Variants in COL4A6 observed in about 807,000 individuals in gnomAD.
COL4A6 encodes the protein collagen type IV alpha 6 chain.
In COL4A6, 59 loss-of-function variants were observed where a neutral mutation model predicts 126.7. The ratio of observed to expected loss-of-function variants is 0.47; its 90% CI spans 0.38 to 0.58. The LOEUF (loss-of-function observed/expected upper bound fraction) is 0.58. Ranked by LOEUF, COL4A6 falls within the 20% of genes least tolerant of loss-of-function variation. The pLI, the probability that COL4A6 is intolerant of heterozygous loss-of-function variation, is 0.00. For missense variants in COL4A6, 1,285 were observed against 1,337.3 expected (o/e 0.96, Z 0.61); for synonymous variants, 547 against 496.6 (o/e 1.10, Z -1.35).
chrX:108,427,188 AG>A (rs2064102067), intron 2 of COL4A6, among the ~76,000 whole-genome samples: 2 of 111,794 alleles, frequency 1.8e-5, no homozygotes, highest in Admixed American at 1.9e-4. Context: ...AAGAGTGCAG[AG>A]CAGGTCTCTT....
chrX:108,376,347 C>T (rs2040432900), intron 2 of COL4A6, among the ~76,000 whole-genome samples: 1 of 110,586 alleles, frequency 9.0e-6, no homozygotes, highest in Non-Finnish European at 1.9e-5. Context: ...GTAATCCCAT[C>T]ACTTTGGGAG....
At chrX:108,219,857 C>T in intron 4 of COL4A6, 115 bp from the exon 5 acceptor site, 1 of 499,980 alleles carries the variant, frequency 2.0e-6, no homozygotes, top group Admixed American at 2.8e-5. Context: ...TCGTACCCCC[C>T]TCCCCATATT....
chrX:108,282,018 C>G (rs983307247), intron 3 of COL4A6, among the ~76,000 whole-genome samples: 1 of 110,873 alleles, frequency 9.0e-6, no homozygotes, highest in African/African-American at 3.3e-5. Flanking sequence ...AAGACTGAAA[C>G]GTTAGACCTA....
intron 2 of COL4A6, among the ~76,000 whole-genome samples, chrX:108,407,961 C>T (rs1209705282): frequency 9.0e-6 from 1 of 111,039 alleles, no homozygotes; most frequent in Non-Finnish European, 1.9e-5. Context: ...CTCAAACCCC[C>T]CTGAGACAGG....
intron 3 of COL4A6, among the ~76,000 whole-genome samples, chrX:108,286,913 C>G (rs990588697): frequency 9.0e-6 from 1 of 111,505 alleles, no homozygotes; most frequent in Non-Finnish European, 1.9e-5. Context: ...TACTCCTTTC[C>G]CCTAGTCTCT....
At chrX:108,337,480 T>C (rs758654183) in intron 2 of COL4A6, among the ~76,000 whole-genome samples, 30 of 113,170 alleles carry the variant, frequency 2.7e-4, no homozygotes, top group African/African-American at 7.7e-4. Flanking sequence ...ATTTTCAGTT[T>C]CTAACAAATT....
At chrX:108,428,221 T>C (rs1457813102) in intron 2 of COL4A6, among the ~76,000 whole-genome samples, 1 of 112,067 alleles carries the variant, frequency 8.9e-6, no homozygotes, top group Non-Finnish European at 1.9e-5. Context: ...GTTTACCAAT[T>C]TGTGTTAGGC....
chrX:108,404,032 C>A (rs1019457439), intron 2 of COL4A6, among the ~76,000 whole-genome samples: 1 of 111,048 alleles, frequency 9.0e-6, no homozygotes, highest in Non-Finnish European at 1.9e-5. Context: ...GCTGCTATTC[C>A]AAGTCTTAAC....
chrX:108,175,864 G>A, intron 28 of COL4A6, 67 bp from the exon 29 acceptor site: 1 of 978,130 alleles, frequency 1.0e-6, no homozygotes, highest in South Asian at 2.2e-5. Flanking sequence ...GGCTCAGGGA[G>A]GTTGAGTAAC....
intron 2 of COL4A6, among the ~76,000 whole-genome samples, chrX:108,353,443 G>A (rs1235196881): frequency 8.9e-6 from 1 of 112,154 alleles, no homozygotes; most frequent in Non-Finnish European, 1.9e-5. Flanking sequence ...ATACCTGTAT[G>A]GGAGGCTTTG....
intron 2 of COL4A6, among the ~76,000 whole-genome samples, chrX:108,426,121 T>C (rs2064079880): frequency 1.8e-5 from 2 of 112,035 alleles, no homozygotes; most frequent in South Asian, 3.8e-4. Flanking sequence ...CCTTAAGGGA[T>C]CTGCTACACT....
intron 3 of COL4A6, among the ~76,000 whole-genome samples, chrX:108,309,299 G>A (rs1164297572): frequency 9.0e-6 from 1 of 110,631 alleles, no homozygotes; most frequent in Admixed American, 9.6e-5. Flanking sequence ...GTGAGAGGCA[G>A]CAGTAGATAA....
intron 2 of COL4A6, among the ~76,000 whole-genome samples, chrX:108,402,206 G>T (rs1254810075): frequency 9.0e-6 from 1 of 111,081 alleles, no homozygotes; most frequent in Non-Finnish European, 1.9e-5. Flanking sequence ...TTTCATAAAA[G>T]ATTAGTATAA....
At chrX:108,178,136 C>T (rs950515151) in intron 27 of COL4A6, among the ~76,000 whole-genome samples, 4 of 112,405 alleles carry the variant, frequency 3.6e-5, no homozygotes, top group African/African-American at 1.3e-4. Context: ...ATGGTGCAGT[C>T]ACCGAAGCAG....
At chrX:108,167,274 G>A (rs2034158378) in intron 37 of COL4A6, among the ~76,000 whole-genome samples, 1 of 111,871 alleles carries the variant, frequency 8.9e-6, no homozygotes, top group Non-Finnish European at 1.9e-5. Context: ...AAAACAAATA[G>A]TATCATTGAA....
At position 108,256,345 on chromosome X, in the gene COL4A6, G is replaced by C. The variant is rs749860935; in HGVS notation, c.145-34971C>G. ...GCTTAAATGTTTCTTACTGGCTCTA[G>C]CATCCTGAGTCAATGAAATAATAAC... On this transcript the variant is annotated intron_variant, in intron 3 of 44. Transcript: ENST00000334504. Among the ~76,000 whole-genome samples, 3 of 111,951 alleles carry C rather than the reference G, an allele frequency of 2.7e-5. No individual in the cohort carries two copies. In the South Asian group the frequency reaches 1.1e-3, roughly 42 times the overall value.
intron 41 of COL4A6, 23 bp downstream of exon 41, chrX:108,162,866 TCTC>T (rs1393024066): frequency 6.2e-6 from 7 of 1,124,402 alleles, no homozygotes; most frequent in African/African-American, 1.9e-5. Flanking sequence ...CCCCAACAAA[TCTC>T]CTTTTTCTGG....
rs60131583 is a variant in COL4A6, at chrX:108,351,440, CTCTG to C, written c.64-40616_64-40613del. Among the ~76,000 whole-genome samples, 427 of 97,895 alleles carry C rather than the reference CTCTG, an allele frequency of 4.4e-3. 3 individuals are homozygous for C. The highest frequency in any genetic ancestry group is 0.015 in the African/African-American group (389 of 25,321). 85.0% of individuals were successfully genotyped at this position (97,895 alleles called of 115,157 possible). The stretch of plus-strand genomic sequence containing the variant: ...ATTAAAAAAGGAGGTAACTCTCTCT[CTCTG>C]TGTGTGTGTGTGTGTGTGTGTGTGT... On this transcript the variant is annotated intron_variant, in intron 2 of 44. Transcript: ENST00000334504.
At chrX:108,321,035 T>C (rs938053363) in intron 2 of COL4A6, among the ~76,000 whole-genome samples, 1 of 112,009 alleles carries the variant, frequency 8.9e-6, no homozygotes, top group Non-Finnish European at 1.9e-5. Context: ...TCCTGCACTA[T>C]AAAATAGGGA....
Sources: gnomAD v4.1 joint callset for allele counts (sites outside exome capture counted in the v4.1 genomes callset) on GRCh38, gnomAD v4.1.1 for gene constraint, MANE v1.5 for transcripts, NCBI Gene and HGNC (gene_info 2026-07-23, HGNC 2026-07-21) for gene names.